The following OSBPL5 variants were observed in gnomAD, a reference collection of about 807,000 sequenced individuals.
The protein encoded by OSBPL5 is oxysterol binding protein like 5, also known as oxysterol-binding protein-related protein 5.
In OSBPL5, 71 loss-of-function variants were observed where a neutral mutation model predicts 111.2. The observed-to-expected ratio is 0.64, with a 90% CI of 0.53 to 0.78. The LOEUF (loss-of-function observed/expected upper bound fraction) is 0.78. Among genes scored for constraint, OSBPL5 ranks in the 30% least tolerant of loss-of-function variants. The pLI is 0.00. For synonymous variants in OSBPL5, 549 were observed against 513.9 expected, an observed-to-expected ratio of 1.07 and a Z score of -0.93; for missense variants, 1,210 against 1,189.3, an observed-to-expected ratio of 1.02 and a Z score of -0.26.
intron 2 of OSBPL5, 33 bp downstream of exon 2, chr11:3,128,980 G>A (rs374453610): frequency 1.0e-4 from 155 of 1,485,372 alleles, no homozygotes; most frequent in Middle Eastern, 9.6e-4. Context: ...CCAAGCTGAG[G>A]GCCAGGTTGC....
intron 14 of OSBPL5, among the ~76,000 whole-genome samples, chr11:3,096,199 G>A (rs936076335): frequency 1.3e-5 from 2 of 152,370 alleles, no homozygotes; most frequent in East Asian, 1.9e-4. Context: ...CAACTGTCAC[G>A]TGTGTGGGGG....
At position 3,109,607 on chromosome 11, in the gene OSBPL5, T is replaced by C. The variant is rs1857840389; in HGVS notation, c.692-1662A>G. Among the ~76,000 whole-genome samples, 1 of 152,108 alleles carries C rather than the reference T, an allele frequency of 6.6e-6. No homozygotes were observed. Among genetic ancestry groups the C allele is most frequent in the Non-Finnish European group, 1.5e-5 (1 of 68,018 alleles). On this transcript the variant is annotated intron_variant, in intron 7 of 21. Transcript: ENST00000263650. This position sits in a 1 kb window ranked among gnomAD's most constrained non-coding sequence, Gnocchi z 7.4. ...GCCTAGACAGTGGCTCCTGGGTCTC[T>C]AGAGCTGCCCTTCTCATTGGGTTGG...
intron 2 of OSBPL5, among the ~76,000 whole-genome samples, chr11:3,127,583 C>A (rs1858671723): frequency 6.6e-6 from 1 of 152,232 alleles, no homozygotes; most frequent in Admixed American, 6.5e-5. Context: ...GCTTCCCCAT[C>A]TGCAGAGTGC....
intron 10 of OSBPL5, 147 bp from the exon 11 acceptor site, chr11:3,103,467 G>A: frequency 1.5e-6 from 1 of 667,272 alleles, no homozygotes; most frequent in Non-Finnish European, 2.5e-6. Context: ...TCACCCCCAA[G>A]CAGGATAATT....
chr11:3,131,582 TCCAC>T (rs1242798235), intron 1 of OSBPL5, among the ~76,000 whole-genome samples: 5 of 106,374 alleles, frequency 4.7e-5, no homozygotes, highest in South Asian at 6.5e-4. Flanking sequence ...CATCCATCCA[TCCAC>T]CCATTCATCC....
intron 1 of OSBPL5, among the ~76,000 whole-genome samples, chr11:3,163,377 C>T (rs1847020541): frequency 6.6e-6 from 1 of 152,194 alleles, no homozygotes; most frequent in African/African-American, 2.4e-5. Context: ...CACAGCCCTT[C>T]CACCCGCCGG....
chr11:3,134,276 G>A (rs1459106770), intron 1 of OSBPL5, among the ~76,000 whole-genome samples: 1 of 152,230 alleles, frequency 6.6e-6, no homozygotes, highest in Non-Finnish European at 1.5e-5. Flanking sequence ...CAGGGGCCCT[G>A]TGTTTGCCAC....
intron 1 of OSBPL5, among the ~76,000 whole-genome samples, chr11:3,135,579 C>A (rs1387572354): frequency 6.6e-6 from 1 of 152,206 alleles, no homozygotes. Flanking sequence ...GACTCCCACC[C>A]CTGCCTGTGC....
At chr11:3,132,288 G>A (rs1845834919) in intron 1 of OSBPL5, among the ~76,000 whole-genome samples, 1 of 151,916 alleles carries the variant, frequency 6.6e-6, no homozygotes, top group South Asian at 2.1e-4. Context: ...CCAGTGCCCC[G>A]GGCCCTGCAG....
rs1314398906 is a variant in OSBPL5 at position 3,110,218 on chromosome 11, TG to T, written c.692-2274del. On this transcript the variant is annotated intron_variant, in intron 7 of 21. Coordinates refer to ENST00000263650, the MANE Select transcript of OSBPL5 (RefSeq NM_020896.4). This position sits in a 1 kb window ranked among gnomAD's most constrained non-coding sequence, Gnocchi z 5.3. Reference sequence around the variant, plus strand: ...CTTTAGGTCTGCACCACCGGCGGGATGGGAGCCCTTCACCCCACTGCTCTGG... The same window carrying T: ...CTTTAGGTCTGCACCACCGGCGGGATGGAGCCCTTCACCCCACTGCTCTGG... Among the ~76,000 whole-genome samples, 1 of 152,168 alleles carries T rather than the reference TG, an allele frequency of 6.6e-6. No homozygotes were observed. Among genetic ancestry groups the T allele is most frequent in the East Asian group, 1.9e-4 (1 of 5,184 alleles).
At chr11:3,159,223 G>A (rs182654036) in intron 1 of OSBPL5, among the ~76,000 whole-genome samples, 429 of 152,284 alleles carry the variant, frequency 2.8e-3, no homozygotes, top group Non-Finnish European at 3.8e-3. Flanking sequence ...TTCTTGAGGC[G>A]GGCGCGGGGA....
rs891339026 is a variant in OSBPL5 at position 3,113,023 on chromosome 11, A to T, written c.692-5078T>A. Reference sequence around the variant, plus strand: ...CCATGCCTAATATGTCTATGTATTTATGTGTCGTGTACACAATGTTTCACT... The same window carrying T: ...CCATGCCTAATATGTCTATGTATTTTTGTGTCGTGTACACAATGTTTCACT... On this transcript the variant is annotated intron_variant, in intron 7 of 21. Coordinates refer to ENST00000263650, the MANE Select transcript of OSBPL5 (RefSeq NM_020896.4). The surrounding 1 kb of genome is among the most constrained non-coding windows in gnomAD (Gnocchi z 4.8). 1.3e-5 allele frequency among the ~76,000 whole-genome samples: 2 copies of T among 152,208 alleles called. No homozygotes were observed. The highest frequency in any genetic ancestry group is 4.8e-5 in the African/African-American group (2 of 41,466).
At chr11:3,096,750 A>C (rs1357287523) in intron 14 of OSBPL5, among the ~76,000 whole-genome samples, 1 of 152,134 alleles carries the variant, frequency 6.6e-6, no homozygotes, top group Non-Finnish European at 1.5e-5. Context: ...AGGGGAGAGC[A>C]TGAAGGTGGG....
chr11:3,121,957 GACCCGTGTCCTGGGTGGCC>G lies in OSBPL5; in HGVS notation c.402+21_402+39del, dbSNP rs756744371. ...TCCTTTGTTATGGCAGCAGCACGCT[GACCCGTGTCCTGGGTGGCC>G]GGAGGCCGGGCATCACCTACCTTCA... On this transcript the variant is annotated intron_variant, in intron 5 of 21. Transcript: ENST00000263650. The surrounding 1 kb of genome is among the most constrained non-coding windows in gnomAD (Gnocchi z 4.3). 3 of 1,508,086 alleles carry G rather than the reference GACCCGTGTCCTGGGTGGCC, an allele frequency of 2.0e-6. No homozygotes were observed. The East Asian group carries it at 7.3e-5, about 37-fold the overall frequency. 93.4% of individuals were successfully genotyped at this position (1,508,086 alleles called of 1,614,324 possible).
rs1351703383 is a variant in OSBPL5, at chr11:3,141,488, A to G, written c.-21-12319T>C. On this transcript the variant is annotated intron_variant, in intron 1 of 21. Transcript: ENST00000263650. This position sits in a 1 kb window ranked among gnomAD's most constrained non-coding sequence, Gnocchi z 6.5. Reference sequence around the variant, plus strand: ...TCAGGAAATGGGGGGGGTCTCAAACAGAAGGACCCCCAATCTGTCTTCCGC... The same window carrying G: ...TCAGGAAATGGGGGGGGTCTCAAACGGAAGGACCCCCAATCTGTCTTCCGC... 6.6e-6 allele frequency among the ~76,000 whole-genome samples: 1 copy of G among 152,186 alleles called. No individual in the cohort carries two copies. Among genetic ancestry groups the G allele is most frequent in the Non-Finnish European group, 1.5e-5 (1 of 68,036 alleles).
chr11:3,149,884 T>C (rs1041904550), intron 1 of OSBPL5, among the ~76,000 whole-genome samples: 52 of 152,332 alleles, frequency 3.4e-4, no homozygotes, highest in African/African-American at 1.2e-3. Flanking sequence ...ATGGTGGCCT[T>C]GCATTCCTCT....
intron 7 of OSBPL5, among the ~76,000 whole-genome samples, chr11:3,115,322 C>T (rs151137763): frequency 6.8e-4 from 103 of 152,106 alleles, no homozygotes; most frequent in African/African-American, 2.4e-3. Flanking sequence ...AAGGTTATTC[C>T]GTCCTTATAT....
chr11:3,115,358 T>C (rs1228376214), intron 7 of OSBPL5, among the ~76,000 whole-genome samples: 1 of 152,224 alleles, frequency 6.6e-6, no homozygotes, highest in Non-Finnish European at 1.5e-5. Context: ...TTTAAAGTCC[T>C]TGCGACATTG....
At chr11:3,101,847 C>G (rs770751041) in intron 12 of OSBPL5, 148 bp from the exon 13 acceptor site, 3 of 713,456 alleles carry the variant, frequency 4.2e-6, no homozygotes, top group Non-Finnish European at 7.0e-6. Context: ...GCCTTCCTGG[C>G]TCTCGCTTAC....
Sources: gnomAD v4.1 joint callset for allele counts (sites outside exome capture counted in the v4.1 genomes callset) on GRCh38, gnomAD v4.1.1 for gene constraint, Gnocchi (gnomAD v3.1) non-coding constraint, MANE v1.5 for transcripts, NCBI Gene and HGNC (gene_info 2026-07-23, HGNC 2026-07-21) for gene names.